The following WWTR1 variants were observed in gnomAD, a reference collection of about 807,000 sequenced individuals.
WWTR1 encodes WW domain containing transcription regulator 1, also known as WW domain-containing transcription regulator protein 1.
In WWTR1, 13 loss-of-function variants were observed where a neutral mutation model predicts 40.1. The observed-to-expected ratio is 0.32, with a 90% CI of 0.21 to 0.52. The LOEUF (loss-of-function observed/expected upper bound fraction) is 0.52. Among genes scored for constraint, WWTR1 ranks in the 20% least tolerant of loss-of-function variants. The probability of loss-of-function intolerance (pLI) is 0.97; values close to 1 mark genes in which losing one functional copy is unlikely to be tolerated. For synonymous variants in WWTR1, 230 were observed against 210.1 expected (o/e 1.09, Z -0.82); for missense variants, 436 against 523.1 (o/e 0.83, Z 1.63).
chr3:149,536,251 C>T (rs1439384120), intron 4 of WWTR1, among the ~76,000 whole-genome samples: 2 of 152,030 alleles, frequency 1.3e-5, no homozygotes, highest in African/African-American at 4.8e-5. Flanking sequence ...ACTTAAATAG[C>T]CAAGCTTATA....
intron 2 of WWTR1, among the ~76,000 whole-genome samples, chr3:149,610,991 AT>A (rs397691236): frequency 2.0e-5 from 3 of 151,102 alleles, no homozygotes; most frequent in African/African-American, 4.9e-5. Flanking sequence ...AAAAAAAAAA[AT>A]TTTTTTTAAA....
At chr3:149,607,964 T>C (rs1739561752) in intron 2 of WWTR1, among the ~76,000 whole-genome samples, 1 of 152,224 alleles carries the variant, frequency 6.6e-6, no homozygotes, top group Non-Finnish European at 1.5e-5. Context: ...TCCATTAGAA[T>C]GCAAGTTTCG....
chr3:149,709,571 G>C (rs1049944276), intron 5 of WWTR1, among the ~76,000 whole-genome samples: 1 of 152,028 alleles, frequency 6.6e-6, no homozygotes. Flanking sequence ...TTTTTTGTTT[G>C]TTGTTTTTTT....
chr3:149,532,241 AATT>A (rs1735616761), intron 4 of WWTR1, among the ~76,000 whole-genome samples: 2 of 152,216 alleles, frequency 1.3e-5, no homozygotes, highest in South Asian at 4.1e-4. Flanking sequence ...ATACTGAAGG[AATT>A]ATTATTATTT....
At chr3:149,634,385 G>A (rs202114249) in intron 2 of WWTR1, among the ~76,000 whole-genome samples, 2 of 152,148 alleles carry the variant, frequency 1.3e-5, no homozygotes, top group East Asian at 1.9e-4. Flanking sequence ...ATAAATACAC[G>A]TAAATGCATA....
chr3:149,619,440 G>A (rs1420889327), intron 2 of WWTR1, among the ~76,000 whole-genome samples: 2 of 152,142 alleles, frequency 1.3e-5, no homozygotes, highest in Non-Finnish European at 1.5e-5. Context: ...GGGCAACATA[G>A]TGAAATCCTA....
chr3:149,597,930 A>T (rs1381883673), intron 2 of WWTR1, among the ~76,000 whole-genome samples: 1 of 152,244 alleles, frequency 6.6e-6, no homozygotes, highest in Non-Finnish European at 1.5e-5. Context: ...TATTTTTTAA[A>T]AGAAATAAGC....
At chr3:149,549,711 C>T (rs894530009) in intron 3 of WWTR1, among the ~76,000 whole-genome samples, 53 of 152,166 alleles carry the variant, frequency 3.5e-4, no homozygotes, top group African/African-American at 1.2e-3. Flanking sequence ...TGGTGGCATG[C>T]ATTCGTGGTC....
At chr3:149,565,253 TTA>T (rs1737256915) in intron 3 of WWTR1, among the ~76,000 whole-genome samples, 1 of 152,076 alleles carries the variant, frequency 6.6e-6, no homozygotes, top group Non-Finnish European at 1.5e-5. Context: ...TTACTGGCTA[TTA>T]TAACTAACAC....
intron 3 of WWTR1, among the ~76,000 whole-genome samples, chr3:149,560,243 C>T (rs551417074): frequency 2.4e-4 from 36 of 152,258 alleles, no homozygotes; most frequent in African/African-American, 7.2e-4. Flanking sequence ...ATCGTAGTTT[C>T]GACACTGAGA....
intron 3 of WWTR1, among the ~76,000 whole-genome samples, chr3:149,558,905 G>C (rs79142415): frequency 6.6e-6 from 1 of 152,052 alleles, no homozygotes; most frequent in South Asian, 2.1e-4. Flanking sequence ...GGACATCACC[G>C]GGACAACTGA....
intron 1 of WWTR1, among the ~76,000 whole-genome samples, chr3:149,691,681 A>AG: frequency 6.6e-6 from 1 of 152,318 alleles, no homozygotes; most frequent in African/African-American, 2.4e-5. Context: ...CAGCAAAAAA[A>AG]AACCTGGGAC....
chr3:149,675,755 T>C (rs1714239197), intron 1 of WWTR1, among the ~76,000 whole-genome samples: 1 of 152,036 alleles, frequency 6.6e-6, no homozygotes. Context: ...CTTGCTCTGT[T>C]GCCCAGGCTG....
At chr3:149,640,610 AG>A (rs1040602105) in intron 2 of WWTR1, among the ~76,000 whole-genome samples, 30 of 152,116 alleles carry the variant, frequency 2.0e-4, no homozygotes, top group African/African-American at 7.2e-4. Flanking sequence ...TAGTAGAGAC[AG>A]GGTTTCACCA....
At position 149,622,679 on chromosome 3, in the gene WWTR1, A is replaced by AAAACC. The variant is rs1407371494; in HGVS notation, c.431+34192_431+34196dup. 2.6e-5 allele frequency among the ~76,000 whole-genome samples: 4 copies of AAAACC among 151,950 alleles called. 1 individual carries two copies. The highest frequency in any genetic ancestry group is 4.1e-4 in the South Asian group (2 of 4,822). ...CAGCCTGGACAACATGGCGAAAACC[A>AAAACC]AAACCAAACCAAACCAAAACCAAAA... On this transcript the variant is annotated intron_variant, in intron 2 of 6. Transcript: ENST00000360632.
Position 149,714,137 on chromosome 3 carries a change from G to A in WWTR1, n.584+3305C>T, listed in dbSNP as rs139031988. ...GGAACCCAAGGCGGAGCTGGGCCTG[G>A]GGCGGTGTCACCTTCATGAAGCCAG... On this transcript the variant is annotated intron_variant and non_coding_transcript_variant, in intron 5 of 6. Coordinates refer to the WWTR1 transcript ENST00000474080. Among the ~76,000 whole-genome samples, 408 of 152,336 alleles carry A rather than the reference G, an allele frequency of 2.7e-3. 3 individuals are homozygous for A. The highest frequency in any genetic ancestry group is 0.017 in the Middle Eastern group (5 of 292).
intron 1 of WWTR1, among the ~76,000 whole-genome samples, chr3:149,695,722 C>T (rs1390904863): frequency 8.2e-5 from 12 of 147,134 alleles, no homozygotes; most frequent in South Asian, 2.1e-4. Context: ...GATCATACCA[C>T]TGCACTCCAG....
At position 149,527,160 on chromosome 3, in the gene WWTR1, T is replaced by C. The variant is rs1379793123; in HGVS notation, c.905+676A>G. Among the ~76,000 whole-genome samples the C allele has an allele frequency of 2.7e-4, 10 of 37,178 alleles. No individual in the cohort carries two copies. The Admixed American group carries it at 3.2e-3, about 12-fold the overall frequency. 24.4% of individuals were successfully genotyped at this position (37,178 alleles called of 152,430 possible). ...CATCATCTCTTTTCTTTTCTTTCTT[T>C]TTTTTTTTTTTGAGATGGAGTTTCA... On this transcript the variant is annotated intron_variant, in intron 5 of 6. Transcript: ENST00000360632.
upstream of WWTR1, chr3:149,659,352 A>C (rs1470490935): frequency 3.0e-5 from 1 of 33,120 alleles, no homozygotes; most frequent in Non-Finnish European, 5.9e-5. Context: ...TTTTTTTTTG[A>C]GTGACGTCTC....
Sources: allele counts gnomAD v4.1 joint callset (sites outside exome capture counted in the v4.1 genomes callset), GRCh38; gene constraint gnomAD v4.1.1; transcripts MANE v1.5; gene names NCBI Gene and HGNC (gene_info 2026-07-23, HGNC 2026-07-21).